RAB37: variants seen among roughly 807,000 people sequenced by gnomAD.
RAB37 encodes the protein RAB37, member RAS oncogene family.
A neutral mutation model predicts 33.1 loss-of-function variants in RAB37; 29 were observed. That is an observed-to-expected ratio of 0.88 (90% confidence interval 0.65 to 1.20). The LOEUF is 1.20. RAB37 is among the 50% of genes most tolerant of loss of function. RAB37 has a pLI of 0.00. For synonymous variants in RAB37, 128 were observed against 119.5 expected (o/e 1.07, Z -0.47); for missense variants, 299 against 301.1 (o/e 0.99, Z 0.05).
At chr17:74,690,020 C>T (rs1021792375) in intron 1 of RAB37, among the ~76,000 whole-genome samples, 12 of 152,142 alleles carry the variant, frequency 7.9e-5, no homozygotes, top group South Asian at 2.1e-4. Context: ...GGTACCATCT[C>T]GGCTCACTGC....
At chr17:74,695,796 AGGTT>A (rs2032402660) in intron 1 of RAB37, 1 of 1,613,974 alleles carries the variant, frequency 6.2e-7, no homozygotes, top group African/African-American at 1.3e-5. Context: ...TTTTGCGGGG[AGGTT>A]CCGGCCAGCT....
intron 1 of RAB37, chr17:74,694,193 TG>T (rs2032231973): frequency 7.2e-5 from 11 of 152,158 alleles, no homozygotes; most frequent in Admixed American, 2.6e-4. Context: ...GTAATAGAAG[TG>T]CCTCATGGTT....
chr17:74,678,395 G>C (rs575821058), intron 1 of RAB37, among the ~76,000 whole-genome samples: 1 of 152,124 alleles, frequency 6.6e-6, no homozygotes, highest in Non-Finnish European at 1.5e-5. Flanking sequence ...AACTTGAGAC[G>C]TGCAGGGCTC....
chr17:74,723,514 C>T (rs1340460506), intron 1 of RAB37, among the ~76,000 whole-genome samples: 4 of 151,890 alleles, frequency 2.6e-5, no homozygotes, highest in East Asian at 1.9e-4. Flanking sequence ...AGAACAAAGA[C>T]GCTTGTCTGA....
Position 74,745,057 on chromosome 17 carries a change from T to C in RAB37, c.539T>C (p.Val180Ala). 1 of 1,614,192 alleles carries C rather than the reference T, an allele frequency of 6.2e-7. No individual in the cohort carries two copies. The highest frequency in any genetic ancestry group is 8.5e-7 in the Non-Finnish European group (1 of 1,180,036). Residue 180 changes from valine (V) to alanine (A), a missense_variant, in exon 8 of 9, where the codon GTG becomes GCG. Transcript: ENST00000392613. This position sits in a 1 kb window ranked among gnomAD's most constrained non-coding sequence, Gnocchi z 4.5. ...LETSAKTGMN[V>A]ELAFLAIAKE... The stretch of plus-strand genomic sequence containing the variant: ...ACCAGCGCCAAGACTGGCATGAATG[T>C]GGAGTTAGCCTTTCTGGCCATCGCC...
chr17:74,694,290 G>A (rs2032236243), intron 1 of RAB37: 1 of 152,204 alleles, frequency 6.6e-6, no homozygotes, highest in Non-Finnish European at 1.5e-5. Context: ...TGTTGCTGCT[G>A]TAACAAATTA....
At position 74,728,456 on chromosome 17, in the gene RAB37, GTGTC is replaced by G. The variant is rs546490735; in HGVS notation, c.73-796_73-793del. Reference sequence around the variant, plus strand: ...TTTTGTGTGTTTGTGTTGTACAAGTGTGTCTGTGTCTGTATACGTGTGTTTCTGT... The same window carrying G: ...TTTTGTGTGTTTGTGTTGTACAAGTGTGTGTCTGTATACGTGTGTTTCTGT... On this transcript the variant is annotated intron_variant, in intron 1 of 7. Coordinates refer to the RAB37 transcript ENST00000340415. 2.5e-3 allele frequency among the ~76,000 whole-genome samples: 381 copies of G among 151,560 alleles called. 2 individuals are homozygous for G. The highest frequency in any genetic ancestry group is 0.017 in the Middle Eastern group (5 of 288).
At chr17:74,686,074 C>A (rs1419917644) in intron 1 of RAB37, among the ~76,000 whole-genome samples, 1 of 152,102 alleles carries the variant, frequency 6.6e-6, no homozygotes, top group East Asian at 1.9e-4. Context: ...CGTTCTCTCC[C>A]ATTTGCCCTC....
rs201648484 is a variant in RAB37, at chr17:74,684,265, A to AT, written c.72+12624dup. ...AGATGTGTGCCATGAAGCCCTGTTAATTTTTTTTTTTTTTTTTAGTAAAGA... is the reference window on the plus strand; with the variant it reads ...AGATGTGTGCCATGAAGCCCTGTTAATTTTTTTTTTTTTTTTTTAGTAAAGA... On this transcript the variant is annotated intron_variant, in intron 1 of 7. Transcript: ENST00000340415. Among the ~76,000 whole-genome samples, 834 of 134,268 alleles carry AT rather than the reference A, an allele frequency of 6.2e-3. 8 individuals carry two copies. The highest frequency in any genetic ancestry group is 0.017 in the African/African-American group (620 of 36,590). The allele number at this position is 134,268 out of a possible 152,430, so 88.1% of individuals were successfully genotyped here.
chr17:74,711,885 T>TTTTTGTC (rs1567802165), intron 1 of RAB37, among the ~76,000 whole-genome samples: 1 of 150,690 alleles, frequency 6.6e-6, no homozygotes, highest in Non-Finnish European at 1.5e-5. Context: ...TTTCTTTCTT[T>TTTTTGTC]TTTTTTCTTT....
At chr17:74,687,630 G>T (rs886987033) in intron 1 of RAB37, among the ~76,000 whole-genome samples, 9 of 152,178 alleles carry the variant, frequency 5.9e-5, no homozygotes, top group East Asian at 1.9e-4. Flanking sequence ...TGGGGCAGGG[G>T]GAATCTGATT....
rs2034538345 is a variant in RAB37, at chr17:74,738,668, C to T, written c.93+1303C>T. On this transcript the variant is annotated intron_variant, in intron 1 of 8. Transcript: ENST00000392613. This position sits in a 1 kb window ranked among gnomAD's most constrained non-coding sequence, Gnocchi z 5.0. ...GGGACCCAGGAGCCAGGGAGGAGTG[C>T]AGGCTCCAGAAAGCTCCTATCCCCC... Among the ~76,000 whole-genome samples the T allele has an allele frequency of 1.3e-5, 2 of 152,192 alleles. No homozygotes were observed. Among genetic ancestry groups the T allele is most frequent in the Admixed American group, 6.5e-5 (1 of 15,288 alleles).
intron 1 of RAB37, among the ~76,000 whole-genome samples, chr17:74,693,121 C>G (rs768761630): frequency 6.6e-6 from 1 of 152,132 alleles, no homozygotes; most frequent in South Asian, 2.1e-4. Flanking sequence ...GCCACTGCCC[C>G]CTAAGTGGCC....
chr17:74,714,396 AACACACACAC>A (rs3046673), intron 1 of RAB37, among the ~76,000 whole-genome samples: 217 of 137,958 alleles, frequency 1.6e-3, no homozygotes, highest in African/African-American at 1.2e-3. Context: ...TGTCTCTTTA[AACACACACAC>A]ACACACACAC....
intron 1 of RAB37, among the ~76,000 whole-genome samples, chr17:74,720,196 C>T (rs188047813): frequency 1.4e-4 from 22 of 152,278 alleles, no homozygotes; most frequent in Admixed American, 9.8e-4. Flanking sequence ...TTCAGCCCCT[C>T]GTGAGAGGGA....
intron 1 of RAB37, chr17:74,704,684 C>T: frequency 6.2e-7 from 1 of 1,614,182 alleles, no homozygotes. Context: ...GCAGTCACGC[C>T]AAATAGCTCC....
chr17:74,678,398 C>A (rs921050125), intron 1 of RAB37, among the ~76,000 whole-genome samples: 1 of 152,152 alleles, frequency 6.6e-6, no homozygotes, highest in African/African-American at 2.4e-5. Flanking sequence ...TTGAGACGTG[C>A]AGGGCTCAAG....
intron 1 of RAB37, chr17:74,704,276 G>A (rs376503387): frequency 2.2e-4 from 126 of 585,558 alleles, no homozygotes; most frequent in Admixed American, 5.8e-4. Flanking sequence ...GCTTAATCCC[G>A]TCGTGGAGGG....
In RAB37 at chr17:74,745,242, G is replaced by A; in HGVS notation, c.567-64G>A. The A allele has an allele frequency of 6.4e-7, 1 of 1,555,904 alleles. No individual in the cohort carries two copies. Among genetic ancestry groups the A allele is most frequent in the Non-Finnish European group, 8.9e-7 (1 of 1,128,228 alleles). On this transcript the variant is annotated intron_variant, in intron 8 of 8. Transcript: ENST00000392613. This position sits in a 1 kb window ranked among gnomAD's most constrained non-coding sequence, Gnocchi z 4.5. The stretch of plus-strand genomic sequence containing the variant: ...CACTGGGCCACTGGGAGAGGGGAGG[G>A]GGCGGCTCAGCTCCTCACCCCAGCC...
Sources: allele counts gnomAD v4.1 joint callset (sites outside exome capture counted in the v4.1 genomes callset), GRCh38; gene constraint gnomAD v4.1.1; non-coding constraint Gnocchi (gnomAD v3.1); transcripts MANE v1.5; gene names NCBI Gene and HGNC (gene_info 2026-07-23, HGNC 2026-07-21).